The following L3MBTL4 variants were observed in gnomAD, a reference collection of about 807,000 sequenced individuals.
L3MBTL4 encodes the protein L3MBTL histone methyl-lysine binding protein 4.
In L3MBTL4, 70 loss-of-function variants were observed where a neutral mutation model predicts 84.5. The ratio of observed to expected loss-of-function variants is 0.83; its 90% CI spans 0.68 to 1.01. L3MBTL4 has a LOEUF of 1.01. Ranked by LOEUF, L3MBTL4 falls within the 50% of genes least tolerant of loss-of-function variation. The probability of loss-of-function intolerance (pLI) is 0.00; values close to 1 mark genes in which losing one functional copy is unlikely to be tolerated. For synonymous variants in L3MBTL4, 274 were observed against 259.8 expected, an observed-to-expected ratio of 1.05 and a Z score of -0.52; for missense variants, 715 against 754.8, an observed-to-expected ratio of 0.95 and a Z score of 0.62.
At chr18:6,033,078 T>C (rs2055917965) in intron 16 of L3MBTL4, among the ~76,000 whole-genome samples, 1 of 152,220 alleles carries the variant, frequency 6.6e-6, no homozygotes, top group Non-Finnish European at 1.5e-5. Context: ...GTATGTGTGA[T>C]TTTTCCATCC....
intron 9 of L3MBTL4, among the ~76,000 whole-genome samples, chr18:6,238,365 C>G (rs555388435): frequency 3.9e-5 from 6 of 152,222 alleles, no homozygotes; most frequent in Admixed American, 1.3e-4. Context: ...AACCCCGTCT[C>G]CACTAAAAAT....
intron 16 of L3MBTL4, among the ~76,000 whole-genome samples, chr18:5,978,519 A>C (rs1405895038): frequency 6.6e-6 from 1 of 152,194 alleles, no homozygotes; most frequent in Non-Finnish European, 1.5e-5. Flanking sequence ...GAACACCAGC[A>C]TCAACCTGAC....
chr18:6,380,280 T>C (rs887805378), intron 1 of L3MBTL4, among the ~76,000 whole-genome samples: 4 of 152,212 alleles, frequency 2.6e-5, no homozygotes, highest in Admixed American at 2.0e-4. Flanking sequence ...CCTGGATTCA[T>C]TGATTTTTTG....
chr18:6,253,817 T>C (rs1479803258), intron 5 of L3MBTL4, among the ~76,000 whole-genome samples: 1 of 152,230 alleles, frequency 6.6e-6, no homozygotes, highest in Non-Finnish European at 1.5e-5. Context: ...AGCTCCTTCC[T>C]TGCTTTTTCC....
At chr18:6,204,090 C>T (rs1338001479) in intron 12 of L3MBTL4, among the ~76,000 whole-genome samples, 2 of 152,220 alleles carry the variant, frequency 1.3e-5, no homozygotes, top group East Asian at 1.9e-4. Flanking sequence ...TCCATCCCCT[C>T]AGTTTGGTCC....
intron 16 of L3MBTL4, among the ~76,000 whole-genome samples, chr18:5,979,439 ACAAGCCTGTGCTGGGCC>A (rs2053110396): frequency 6.6e-6 from 1 of 152,158 alleles, no homozygotes. Flanking sequence ...AGGCCAGGGA[ACAAGCCTGTGCTGGGCC>A]CCTCTTAATC....
chr18:6,391,039 A>C (rs1385636999), intron 1 of L3MBTL4, among the ~76,000 whole-genome samples: 4 of 152,148 alleles, frequency 2.6e-5, no homozygotes, highest in Admixed American at 2.6e-4. Flanking sequence ...AAAAAACAAA[A>C]GTCTACAGAC....
At chr18:6,154,319 T>C (rs1040601032) in intron 13 of L3MBTL4, among the ~76,000 whole-genome samples, 1 of 152,186 alleles carries the variant, frequency 6.6e-6, no homozygotes, top group Non-Finnish European at 1.5e-5. Flanking sequence ...CTTTAAAAGA[T>C]AGCAAGGGTA....
At chr18:6,086,120 T>C (rs1000449999) in intron 15 of L3MBTL4, among the ~76,000 whole-genome samples, 1 of 152,200 alleles carries the variant, frequency 6.6e-6, no homozygotes, top group Admixed American at 6.5e-5. Context: ...GCTGTAATAA[T>C]GAGAAAAAGA....
intron 14 of L3MBTL4, among the ~76,000 whole-genome samples, chr18:6,110,853 A>G (rs751792529): frequency 6.6e-6 from 1 of 152,104 alleles, no homozygotes; most frequent in Non-Finnish European, 1.5e-5. Context: ...AAAGTGCTGG[A>G]TAGACGCATT....
intron 16 of L3MBTL4, among the ~76,000 whole-genome samples, chr18:5,982,742 A>G (rs746350442): frequency 2.0e-4 from 31 of 152,246 alleles, no homozygotes; most frequent in Non-Finnish European, 3.2e-4. Flanking sequence ...GATCAAAGCT[A>G]CTATATTCAT....
At chr18:6,252,034 G>A (rs540751362) in intron 5 of L3MBTL4, among the ~76,000 whole-genome samples, 8 of 152,254 alleles carry the variant, frequency 5.3e-5, no homozygotes, top group Admixed American at 1.3e-4. Flanking sequence ...AAGACAGGCC[G>A]GGCACGGTGG....
At chr18:6,249,865 C>T (rs554647649) in intron 5 of L3MBTL4, among the ~76,000 whole-genome samples, 46 of 152,304 alleles carry the variant, frequency 3.0e-4, no homozygotes, top group African/African-American at 1.0e-3. Flanking sequence ...GAAAAAATTA[C>T]AGATCGACTC....
intron 17 of L3MBTL4, among the ~76,000 whole-genome samples, chr18:5,960,463 T>A (rs1201211061): frequency 6.6e-6 from 1 of 152,184 alleles, no homozygotes; most frequent in African/African-American, 2.4e-5. Context: ...GACTCCCCCA[T>A]GGGGTCAGTG....
intron 16 of L3MBTL4, among the ~76,000 whole-genome samples, chr18:6,051,878 A>C (rs985704399): frequency 5.3e-5 from 8 of 152,178 alleles, no homozygotes; most frequent in African/African-American, 1.9e-4. Context: ...GATGAGTGTT[A>C]ATAGTGGGGG....
intron 16 of L3MBTL4, among the ~76,000 whole-genome samples, chr18:6,008,767 A>G (rs553252): frequency 0.8 from 121,945 of 152,132 alleles, 49,237 homozygotes; most frequent in Admixed American, 0.85. Flanking sequence ...CCTAAACTGC[A>G]TACTGTTTAT....
At chr18:5,966,184 C>A (rs906559830) in intron 17 of L3MBTL4, among the ~76,000 whole-genome samples, 1 of 152,174 alleles carries the variant, frequency 6.6e-6, no homozygotes, top group Non-Finnish European at 1.5e-5. Flanking sequence ...TGTTAAGTGC[C>A]ACGCTTGAAA....
chr18:6,097,676 T>C (rs765945052), intron 14 of L3MBTL4, among the ~76,000 whole-genome samples: 5 of 152,212 alleles, frequency 3.3e-5, no homozygotes, highest in Non-Finnish European at 5.9e-5. Flanking sequence ...CCCGGTCTGA[T>C]GTCTGTGCAA....
At chr18:5,990,943 C>T (rs908630551) in intron 16 of L3MBTL4, among the ~76,000 whole-genome samples, 2 of 152,138 alleles carry the variant, frequency 1.3e-5, no homozygotes, top group African/African-American at 4.8e-5. Context: ...TTTTCTTCCT[C>T]TCTGATTCAC....
Sources: allele counts gnomAD v4.1 joint callset (sites outside exome capture counted in the v4.1 genomes callset), GRCh38; gene constraint gnomAD v4.1.1; transcripts MANE v1.5; gene names NCBI Gene and HGNC (gene_info 2026-07-23, HGNC 2026-07-21).